CRTC1: variants seen among roughly 807,000 people sequenced by gnomAD.
CRTC1 encodes CREB regulated transcription coactivator 1, also known as CREB-regulated transcription coactivator 1.
CRTC1 carries 18 observed loss-of-function variants against 66.1 expected under a neutral mutation model. The observed-to-expected ratio is 0.27, with a 90% CI of 0.19 to 0.40. CRTC1 has a LOEUF of 0.40. Among genes scored for constraint, CRTC1 ranks in the 10% least tolerant of loss-of-function variants. The probability of loss-of-function intolerance (pLI) is 1.00; values close to 1 mark genes in which losing one functional copy is unlikely to be tolerated. For missense variants in CRTC1, 669 were observed against 887.9 expected, an observed-to-expected ratio of 0.75 and a Z score of 3.13; for synonymous variants, 416 against 398.8, an observed-to-expected ratio of 1.04 and a Z score of -0.51.
rs978647520 is a variant in CRTC1 at position 18,760,549 on chromosome 19, C to T, written c.886+321C>T. On this transcript the variant is annotated intron_variant, in intron 8 of 13. Transcript: ENST00000321949. This position sits in a 1 kb window ranked among gnomAD's most constrained non-coding sequence, Gnocchi z 6.2. ...TGGGGTGGGCCAGGCCTTCCCTCCG[C>T]CCCTCCTCGACCCCAGCCCCTCATT... Among the ~76,000 whole-genome samples the T allele has an allele frequency of 2.0e-5, 3 of 151,964 alleles. No individual in the cohort carries two copies. The highest frequency in any genetic ancestry group is 7.3e-5 in the African/African-American group (3 of 41,358).
At chr19:18,751,872 A>G (rs1212474907) in intron 5 of CRTC1, among the ~76,000 whole-genome samples, 1 of 152,164 alleles carries the variant, frequency 6.6e-6, no homozygotes, top group Non-Finnish European at 1.5e-5. Flanking sequence ...AGAACATGCA[A>G]GCTAGGGCCA....
rs563596838 is a variant in CRTC1 at position 18,756,348 on chromosome 19, A to G, written c.624+2763A>G. The stretch of plus-strand genomic sequence containing the variant: ...AAACTCCATCTCAAAAAAAAAAAAA[A>G]AAAAAAACTCTAGGCTGGACGGACA... On this transcript the variant is annotated intron_variant, in intron 6 of 13. Coordinates refer to ENST00000321949, the MANE Select transcript of CRTC1 (RefSeq NM_015321.3). Among the ~76,000 whole-genome samples, 3 of 150,654 alleles carry G rather than the reference A, an allele frequency of 2.0e-5. No individual in the cohort carries two copies. The East Asian group carries it at 5.9e-4, about 29-fold the overall frequency.
At chr19:18,749,020 T>C (rs1282410364) in intron 4 of CRTC1, among the ~76,000 whole-genome samples, 4 of 152,264 alleles carry the variant, frequency 2.6e-5, no homozygotes, top group Admixed American at 2.6e-4. Context: ...GTGGTGGCTG[T>C]ACCCACATTT....
intron 3 of CRTC1, among the ~76,000 whole-genome samples, chr19:18,746,714 G>A (rs747652395): frequency 8.5e-5 from 13 of 152,164 alleles, no homozygotes; most frequent in Non-Finnish European, 1.9e-4. Flanking sequence ...CCAGACCAGG[G>A]TCAGCTGAAC....
chr19:18,714,656 A>T (rs964840621), intron 1 of CRTC1, among the ~76,000 whole-genome samples: 1 of 152,238 alleles, frequency 6.6e-6, no homozygotes, highest in Non-Finnish European at 1.5e-5. Flanking sequence ...TCCACTGGTC[A>T]GATGTGGCTA....
At chr19:18,726,065 G>A (rs749650889) in intron 1 of CRTC1, among the ~76,000 whole-genome samples, 8 of 152,248 alleles carry the variant, frequency 5.3e-5, no homozygotes, top group Non-Finnish European at 1.0e-4. Context: ...CCGGGCCCTG[G>A]AACAGGCTCC....
intron 1 of CRTC1, among the ~76,000 whole-genome samples, chr19:18,704,105 C>T (rs1057232220): frequency 6.6e-6 from 1 of 152,090 alleles, no homozygotes; most frequent in Non-Finnish European, 1.5e-5. Context: ...AAGTGAAGTG[C>T]TCGTTTTCTT....
At chr19:18,706,223 T>C (rs995362160) in intron 1 of CRTC1, among the ~76,000 whole-genome samples, 1 of 110,800 alleles carries the variant, frequency 9.0e-6, no homozygotes, top group African/African-American at 3.6e-5. Flanking sequence ...TTTTTTTTTT[T>C]AGACAGAGTC....
chr19:18,709,495 G>A (rs374800609), intron 1 of CRTC1, among the ~76,000 whole-genome samples: 76 of 152,300 alleles, frequency 5.0e-4, no homozygotes, highest in Middle Eastern at 6.8e-3. Context: ...AGGAAGGAGG[G>A]AGCGGGCAGG....
chr19:18,781,458 C>T lies in CRTC1; in HGVS notation c.*4076C>T, dbSNP rs1442086847. The stretch of plus-strand genomic sequence containing the variant: ...GCCAAGTGTCCTGTTCCCTGCGGCC[C>T]TTGGCCTTCCAGGGTCCTGGCCAGG... On this transcript the variant is annotated 3_prime_UTR_variant, in exon 14 of 14. Transcript: ENST00000321949. 4.3e-6 allele frequency: 1 copy of T among 230,384 alleles called. No individual in the cohort carries two copies. Among genetic ancestry groups the T allele is most frequent in the African/African-American group, 2.2e-5 (1 of 45,146 alleles). 14.3% of individuals were successfully genotyped at this position (230,384 alleles called of 1,614,324 possible).
At chr19:18,770,526 C>T (rs1048948821) in intron 10 of CRTC1, among the ~76,000 whole-genome samples, 2 of 152,208 alleles carry the variant, frequency 1.3e-5, no homozygotes, top group Admixed American at 6.5e-5. Context: ...CAGCGAGAGC[C>T]GGGAACAGGA....
At chr19:18,731,812 G>C (rs943825360) in intron 1 of CRTC1, among the ~76,000 whole-genome samples, 3 of 152,214 alleles carry the variant, frequency 2.0e-5, no homozygotes, top group Non-Finnish European at 4.4e-5. Context: ...GGCTGCCCCG[G>C]GGGGTGGGGG....
intron 1 of CRTC1, among the ~76,000 whole-genome samples, chr19:18,693,126 C>G (rs1163773061): frequency 1.4e-5 from 2 of 145,886 alleles, no homozygotes; most frequent in Non-Finnish European, 3.0e-5. Flanking sequence ...TATGGTAGCT[C>G]ACACCTGTAA....
chr19:18,742,293 G>A (rs538577863), intron 1 of CRTC1, among the ~76,000 whole-genome samples: 3 of 152,230 alleles, frequency 2.0e-5, no homozygotes, highest in African/African-American at 4.8e-5. Context: ...AGATGAAGGC[G>A]CTCAGCTGGG....
In CRTC1 at chr19:18,749,859, C is replaced by T. The variant is rs756897236; in HGVS notation, c.522C>T (p.Asp174=). The T allele has an allele frequency of 5.8e-5, 93 of 1,613,786 alleles. No homozygotes were observed. Among genetic ancestry groups the T allele is most frequent in the Non-Finnish European group, 7.2e-5 (85 of 1,179,862 alleles). Residue 174 remains aspartate, a synonymous_variant, in exon 5 of 14, where the codon GAC becomes GAT. Coordinates refer to ENST00000321949, the MANE Select transcript of CRTC1 (RefSeq NM_015321.3). ...QPESFSSGSQ[D]VHQKRVLLLT... is the part of the protein sequence containing the mutation. ...AATCCTTTAGCAGTGGGTCCCAGGACGTGCACCAGAAAAGAGGTATGGACA... is the reference window on the plus strand; with the variant it reads ...AATCCTTTAGCAGTGGGTCCCAGGATGTGCACCAGAAAAGAGGTATGGACA...
intron 1 of CRTC1, among the ~76,000 whole-genome samples, chr19:18,717,626 C>T (rs916431420): frequency 6.6e-6 from 1 of 152,150 alleles, no homozygotes; most frequent in Non-Finnish European, 1.5e-5. Flanking sequence ...GACCCCTGGG[C>T]TCAAACACTG....
rs529651781 is a variant in CRTC1, at chr19:18,746,526, G to A, written c.382-527G>A. The stretch of plus-strand genomic sequence containing the variant: ...CGCCCCTTGGTGCTCAGCCAGCCGG[G>A]CCCCACAACACCAGAGTCTGAGCGG... On this transcript the variant is annotated intron_variant, in intron 3 of 13. Coordinates refer to ENST00000321949, the MANE Select transcript of CRTC1 (RefSeq NM_015321.3). 2.0e-5 allele frequency among the ~76,000 whole-genome samples: 3 copies of A among 148,034 alleles called. No individual in the cohort carries two copies. In the South Asian group the frequency reaches 6.7e-4, roughly 33 times the overall value.
intron 1 of CRTC1, among the ~76,000 whole-genome samples, chr19:18,733,705 C>T (rs746824196): frequency 2.3e-4 from 35 of 152,176 alleles, no homozygotes; most frequent in African/African-American, 8.2e-4. Context: ...CCTCAGTAAA[C>T]GTGGGGACCC....
chr19:18,741,897 G>A lies in CRTC1; in HGVS notation c.127-1013G>A, dbSNP rs1019103734. Among the ~76,000 whole-genome samples the A allele has an allele frequency of 6.6e-5, 10 of 152,102 alleles. No individual in the cohort carries two copies. Among genetic ancestry groups the A allele is most frequent in the Non-Finnish European group, 1.3e-4 (9 of 67,972 alleles). On this transcript the variant is annotated intron_variant, in intron 1 of 13. Transcript: ENST00000321949. The surrounding 1 kb of genome is among the most constrained non-coding windows in gnomAD (Gnocchi z 4.2). ...GCCCCCTAGGAAGCTGGGGCGGTGGGGCAGCCAGCTCTCCACGCACTGCCA... is the reference window on the plus strand; with the variant it reads ...GCCCCCTAGGAAGCTGGGGCGGTGGAGCAGCCAGCTCTCCACGCACTGCCA...
Sources: gnomAD v4.1 joint callset for allele counts (sites outside exome capture counted in the v4.1 genomes callset) on GRCh38, gnomAD v4.1.1 for gene constraint, Gnocchi (gnomAD v3.1) non-coding constraint, MANE v1.5 for transcripts, NCBI Gene and HGNC (gene_info 2026-07-23, HGNC 2026-07-21) for gene names.